The following GPT2 variants were observed in gnomAD, a reference collection of about 807,000 sequenced individuals.
The protein encoded by GPT2 is alanine aminotransferase 2.
GPT2 carries 30 observed loss-of-function variants against 56.9 expected under a neutral mutation model. That is an observed-to-expected ratio of 0.53 (90% CI 0.39 to 0.72). GPT2 has a LOEUF of 0.72. GPT2 is among the 30% of genes least tolerant of loss of function. GPT2 has a pLI of 0.00. For missense variants in GPT2, 542 were observed against 703.4 expected, an observed-to-expected ratio of 0.77 and a Z score of 2.60; for synonymous variants, 271 against 283.1, an observed-to-expected ratio of 0.96 and a Z score of 0.43.
intron 2 of GPT2, among the ~76,000 whole-genome samples, chr16:46,887,478 A>G (rs1233401836): frequency 6.6e-6 from 1 of 152,158 alleles, no homozygotes; most frequent in Non-Finnish European, 1.5e-5. Flanking sequence ...AAAACAAACA[A>G]AAACTGATTG....
chr16:46,906,732 G>A (rs1216268339), intron 4 of GPT2, 110 bp from the exon 5 acceptor site: 15 of 1,447,568 alleles, frequency 1.0e-5, no homozygotes, highest in South Asian at 1.2e-5. Flanking sequence ...GCCCCACCCC[G>A]AGACCCTCAC....
chr16:46,929,392 A>C lies in GPT2; in HGVS notation c.*395A>C, dbSNP rs185224925. On this transcript the variant is annotated 3_prime_UTR_variant, in exon 12 of 12. Transcript: ENST00000340124. Reference sequence around the variant, plus strand: ...ACCGTGGTGAGGGCTGGAAATCCAAACTCACCACCATGATCTGTGAAATAA... The same window carrying C: ...ACCGTGGTGAGGGCTGGAAATCCAACCTCACCACCATGATCTGTGAAATAA... 10 of 224,944 alleles carry C rather than the reference A, an allele frequency of 4.4e-5. No homozygotes were observed. Among genetic ancestry groups the C allele is most frequent in the Admixed American group, 1.5e-4 (3 of 20,070 alleles). The allele number at this position is 224,944 out of a possible 1,614,324, so 13.9% of individuals were successfully genotyped here. A position where few individuals can be genotyped will look rare whatever the true frequency, so the allele number is the denominator to read the frequency against.
rs1961536647 is a variant in GPT2, at chr16:46,931,130, G to A, written c.*2133G>A. 6.6e-6 allele frequency: 1 copy of A among 152,254 alleles called. No individual in the cohort carries two copies. Among genetic ancestry groups the A allele is most frequent in the Non-Finnish European group, 1.5e-5 (1 of 68,078 alleles). 9.4% of individuals were successfully genotyped at this position (152,254 alleles called of 1,614,324 possible). ...TCACCGGGCACCCAGAGGCTTGCCT[G>A]GCTATTCCTGTTCTGGTGTGTGTGG... On this transcript the variant is annotated 3_prime_UTR_variant, in exon 12 of 12. Coordinates refer to ENST00000340124, the MANE Select transcript of GPT2 (RefSeq NM_133443.4).
intron 7 of GPT2, among the ~76,000 whole-genome samples, chr16:46,917,773 C>A (rs187464559): frequency 6.6e-6 from 1 of 152,218 alleles, no homozygotes; most frequent in Non-Finnish European, 1.5e-5. Context: ...TAGACACACA[C>A]ACATACATAC....
chr16:46,914,604 C>G (rs1475230603), intron 6 of GPT2, among the ~76,000 whole-genome samples: 1 of 152,192 alleles, frequency 6.6e-6, no homozygotes, highest in African/African-American at 2.4e-5. Context: ...CTGCAGCGTG[C>G]TCATCTTTAG....
chr16:46,918,665 C>T lies in GPT2; in HGVS notation c.945C>T (p.Ser315=). The T allele has an allele frequency of 6.2e-7, 1 of 1,614,208 alleles. No individual in the cohort carries two copies. The highest frequency in any genetic ancestry group is 8.5e-7 in the Non-Finnish European group (1 of 1,180,030). The change falls in exon 8 of 12, where the codon TCC becomes TCT. Residue 315 remains serine, a synonymous_variant. Transcript: ENST00000340124. ...ACTCTCCAGATTGCAGATTCCACTCCTTCAAGAAGGTGCTGTACGAGATGG... is the reference window on the plus strand; with the variant it reads ...ACTCTCCAGATTGCAGATTCCACTCTTTCAAGAAGGTGCTGTACGAGATGG... The part of the protein sequence containing the change: ...NVYSPDCRFH[S]FKKVLYEMGP...
chr16:46,898,996 C>CATAT (rs1567335163), intron 3 of GPT2, among the ~76,000 whole-genome samples: 10 of 107,886 alleles, frequency 9.3e-5, no homozygotes, highest in African/African-American at 3.2e-4. Flanking sequence ...ATATATAACA[C>CATAT]ACATATATAT....
At chr16:46,914,148 C>T (rs1961097409) in intron 6 of GPT2, among the ~76,000 whole-genome samples, 1 of 152,196 alleles carries the variant, frequency 6.6e-6, no homozygotes, top group Admixed American at 6.5e-5. Flanking sequence ...GGGAAGGTCC[C>T]ATTTCTACCT....
intron 4 of GPT2, among the ~76,000 whole-genome samples, chr16:46,906,350 G>A (rs573432782): frequency 3.3e-5 from 5 of 152,254 alleles, no homozygotes; most frequent in African/African-American, 9.6e-5. Context: ...GGATTACTGC[G>A]CCCAGCCCAG....
chr16:46,907,157 A>G (rs1960947555), intron 5 of GPT2, among the ~76,000 whole-genome samples, 182 bp downstream of exon 5: 1 of 152,192 alleles, frequency 6.6e-6, no homozygotes, highest in Non-Finnish European at 1.5e-5. Context: ...GAGCCTAGAC[A>G]CTACTGCAGC....
At chr16:46,918,879 C>A in intron 8 of GPT2, 122 bp downstream of exon 8, 2 of 1,211,870 alleles carry the variant, frequency 1.7e-6, no homozygotes, top group Non-Finnish European at 2.3e-6. Flanking sequence ...TTATCTGTTG[C>A]TTCTGCTGCA....
chr16:46,894,748 C>G (rs1960650433), intron 2 of GPT2, among the ~76,000 whole-genome samples: 2 of 152,072 alleles, frequency 1.3e-5, no homozygotes, highest in Non-Finnish European at 2.9e-5. Context: ...TCACTGCAAG[C>G]TCCGCCTCCC....
chr16:46,900,841 C>A, intron 4 of GPT2, 51 bp downstream of exon 4: 4 of 1,488,006 alleles, frequency 2.7e-6, no homozygotes, highest in South Asian at 2.3e-5. Context: ...TGAGTGTTCC[C>A]AGGCGGCCCC....
At position 46,929,617 on chromosome 16, in the gene GPT2, G is replaced by A. The variant is rs1186972352; in HGVS notation, c.*620G>A. The A allele has an allele frequency of 1.3e-5, 2 of 152,630 alleles. No individual in the cohort carries two copies. Among genetic ancestry groups the A allele is most frequent in the Non-Finnish European group, 2.9e-5 (2 of 68,346 alleles). 9.5% of individuals were successfully genotyped at this position (152,630 alleles called of 1,614,324 possible). A position where few individuals can be genotyped will look rare whatever the true frequency, so the allele number is the denominator to read the frequency against. On this transcript the variant is annotated 3_prime_UTR_variant, in exon 12 of 12. Coordinates refer to ENST00000340124, the MANE Select transcript of GPT2 (RefSeq NM_133443.4). ...TCAGAGGGCCCCACTGTGAGGCGTG[G>A]GTGTGAGCCAGGCTGCAGGAGGAAC...
At chr16:46,902,983 T>C (rs1960848769) in intron 4 of GPT2, among the ~76,000 whole-genome samples, 1 of 151,714 alleles carries the variant, frequency 6.6e-6, no homozygotes, top group Non-Finnish European at 1.5e-5. Context: ...GCGTGGTGGC[T>C]CACACCTGTA....
chr16:46,886,764 A>C (rs1225182662), intron 2 of GPT2, among the ~76,000 whole-genome samples: 1 of 152,188 alleles, frequency 6.6e-6, no homozygotes, highest in Non-Finnish European at 1.5e-5. Context: ...AAGGGTTTCC[A>C]GCAGGGGTGT....
Position 46,884,430 on chromosome 16 carries a change from G to A in GPT2, c.-60G>A, listed in dbSNP as rs997739962. ...CCGGGTAGCTGCTCCAGGCGCGCGAGCTAACCGAGTGCGGCGAGGGCCTAC... is the reference window on the plus strand; with the variant it reads ...CCGGGTAGCTGCTCCAGGCGCGCGAACTAACCGAGTGCGGCGAGGGCCTAC... On this transcript the variant is annotated 5_prime_UTR_variant, in exon 1 of 12. Coordinates refer to ENST00000340124, the MANE Select transcript of GPT2 (RefSeq NM_133443.4). 2.2e-5 allele frequency: 6 copies of A among 275,062 alleles called. No individual in the cohort carries two copies. The highest frequency in any genetic ancestry group is 4.1e-5 in the Non-Finnish European group (6 of 148,118). 17.0% of individuals were successfully genotyped at this position (275,062 alleles called of 1,614,324 possible). A position where few individuals can be genotyped will look rare whatever the true frequency, so the allele number is the denominator to read the frequency against.
At chr16:46,906,271 C>G (rs1960924006) in intron 4 of GPT2, among the ~76,000 whole-genome samples, 1 of 152,102 alleles carries the variant, frequency 6.6e-6, no homozygotes, top group South Asian at 2.1e-4. Context: ...GAGGTTTCAC[C>G]ACATTGACCA....
intron 6 of GPT2, among the ~76,000 whole-genome samples, chr16:46,914,308 G>A (rs555272921): frequency 5.3e-5 from 8 of 152,256 alleles, no homozygotes; most frequent in Admixed American, 4.6e-4. Context: ...AGGCCGAGGC[G>A]GGTGGATCAC....
Sources: gnomAD v4.1 joint callset for allele counts (sites outside exome capture counted in the v4.1 genomes callset) on GRCh38, gnomAD v4.1.1 for gene constraint, MANE v1.5 for transcripts, NCBI Gene and HGNC (gene_info 2026-07-23, HGNC 2026-07-21) for gene names.